The following CHD9 variants were observed in gnomAD, a reference collection of about 807,000 sequenced individuals.
CHD9 encodes chromodomain helicase DNA binding protein 9, also known as ATP-dependent chromatin remodeler CHD9.
A neutral mutation model predicts 316.1 loss-of-function variants in CHD9; 77 were observed. The ratio of observed to expected loss-of-function variants is 0.24; its 90% CI spans 0.20 to 0.29. CHD9 has a LOEUF of 0.29. Ranked by LOEUF, CHD9 falls within the 10% of genes least tolerant of loss-of-function variation. The pLI, the probability that CHD9 is intolerant of heterozygous loss-of-function variation, is 1.00. For synonymous variants in CHD9, 1,129 were observed against 1,158.3 expected (o/e 0.97, Z 0.51); for missense variants, 2,763 against 3,438.1 (o/e 0.80, Z 4.91).
intron 29 of CHD9, 29 bp from the exon 30 acceptor site, chr16:53,296,927 G>GT (rs750560432): frequency 3.3e-6 from 5 of 1,531,462 alleles, no homozygotes; most frequent in African/African-American, 1.4e-5. Context: ...GACTAGTGTG[G>GT]TTTTTTTCTT....
intron 30 of CHD9, 80 bp from the exon 31 acceptor site, chr16:53,303,640 A>G: frequency 9.8e-7 from 1 of 1,018,366 alleles, no homozygotes; most frequent in Non-Finnish European, 1.4e-6. Flanking sequence ...TTATAAATAT[A>G]TAAAGATGTA....
chr16:53,174,776 T>G (rs1388361870), intron 2 of CHD9, among the ~76,000 whole-genome samples: 2 of 151,950 alleles, frequency 1.3e-5, no homozygotes, highest in African/African-American at 4.8e-5. Flanking sequence ...GCCCAGAAAT[T>G]TCATTTTATT....
chr16:53,236,619 C>CCCA (rs1239934141), intron 11 of CHD9, among the ~76,000 whole-genome samples: 6 of 150,510 alleles, frequency 4.0e-5, no homozygotes, highest in Non-Finnish European at 5.9e-5. Context: ...CCCATTCCCC[C>CCCA]CCACCACCAC....
chr16:53,140,109 T>A (rs1470175205), intron 1 of CHD9, among the ~76,000 whole-genome samples: 7 of 151,562 alleles, frequency 4.6e-5, no homozygotes, highest in South Asian at 2.1e-4. Flanking sequence ...AAAAAAAAAA[T>A]TCTGCATTTA....
intron 1 of CHD9, among the ~76,000 whole-genome samples, chr16:53,087,835 C>T (rs2152546314): frequency 6.6e-6 from 1 of 152,010 alleles, no homozygotes; most frequent in East Asian, 1.9e-4. Context: ...ATAATCCCAG[C>T]TACTCGGGAA....
At chr16:53,263,162 A>G in intron 20 of CHD9, 65 bp downstream of exon 20, 1 of 1,208,838 alleles carries the variant, frequency 8.3e-7, no homozygotes, top group South Asian at 1.3e-5. Context: ...GTATTGTAAT[A>G]TTTTAAGGTG....
Position 53,255,757 on chromosome 16 carries a change from G to A in CHD9, c.4187G>A (p.Gly1396Glu). ...AAAACTATTACAATTGAATCAGAAG[G>A]ACGTGGGTCAACATTTGCCAAGGTA... ...RTKTITIESEGRGSTFAKASF... is the reference protein window; with the variant it reads ...RTKTITIESEERGSTFAKASF... Residue 1396 changes from glycine to glutamate, a missense_variant, in exon 19 of 39, where the codon GGA becomes GAA. Gly to Glu is a moderately conservative substitution (Grantham distance 98). This residue lies in a region of CHD9 where 199 missense variants were observed against 251.7 expected (regional missense o/e 0.79). Transcript: ENST00000447540. 6.2e-7 allele frequency: 1 copy of A among 1,613,792 alleles called. No individual in the cohort carries two copies. The highest frequency in any genetic ancestry group is 8.5e-7 in the Non-Finnish European group (1 of 1,179,778).
Position 53,238,459 on chromosome 16 carries a change from T to C in CHD9, c.2750T>C (p.Leu917Pro). 6.2e-7 allele frequency: 1 copy of C among 1,613,492 alleles called. No homozygotes were observed. Among genetic ancestry groups the C allele is most frequent in the Non-Finnish European group, 8.5e-7 (1 of 1,179,562 alleles). ...IRGPFLIIAP[L>P]STIANWEREF... ...GGACCTTTCCTGATTATTGCTCCACTTTCTACTATTGCAAACTGGGAGAGA... is the reference window on the plus strand; with the variant it reads ...GGACCTTTCCTGATTATTGCTCCACCTTCTACTATTGCAAACTGGGAGAGA... The change falls in exon 12 of 39, where the codon CTT becomes CCT. Residue 917 changes from leucine (L) to proline (P), a missense_variant. Leu to Pro is a moderately conservative substitution (Grantham distance 98). Around this residue, in one of 15 missense-constraint regions of CHD9, gnomAD observed 186 missense variants for 245.0 expected, o/e 0.76. Coordinates refer to ENST00000447540, the MANE Select transcript of CHD9 (RefSeq NM_001308319.2).
chr16:53,118,793 CTTTTTT>C (rs565529283), intron 1 of CHD9, among the ~76,000 whole-genome samples: 2 of 127,160 alleles, frequency 1.6e-5, no homozygotes. Context: ...AGATAACTTT[CTTTTTT>C]TTTTTTTTTT....
rs371392783 is a variant in CHD9 at position 53,156,755 on chromosome 16, A to G, written c.666A>G (p.Ser222=). The G allele has an allele frequency of 7.4e-5, 120 of 1,613,720 alleles. No individual in the cohort carries two copies. The highest frequency in any genetic ancestry group is 9.9e-5 in the South Asian group (9 of 91,082). The change falls in exon 2 of 39, where the codon TCA becomes TCG. Residue 222 remains serine, a synonymous_variant. Coordinates refer to ENST00000447540, the MANE Select transcript of CHD9 (RefSeq NM_001308319.2). ...CACAGATGACTAATGCATCTAATTC[A>G]CAACAGTCTATTTCAATGCAGCAAT... ...HPPQMTNASN[S]QQSISMQQFS... is the part of the protein sequence containing the mutation.
At chr16:53,189,333 G>T (rs1370173785) in intron 2 of CHD9, among the ~76,000 whole-genome samples, 1 of 151,848 alleles carries the variant, frequency 6.6e-6, no homozygotes, top group Non-Finnish European at 1.5e-5. Flanking sequence ...TGTTGCAAAG[G>T]TTTCTTTTTA....
At chr16:53,170,924 A>G (rs757398150) in intron 2 of CHD9, among the ~76,000 whole-genome samples, 2 of 152,090 alleles carry the variant, frequency 1.3e-5, no homozygotes, top group Non-Finnish European at 2.9e-5. Context: ...GCAACTCAGG[A>G]AGGAAGTAAG....
intron 1 of CHD9, among the ~76,000 whole-genome samples, chr16:53,096,317 C>G (rs910556842): frequency 6.6e-6 from 1 of 152,052 alleles, no homozygotes; most frequent in East Asian, 1.9e-4. Context: ...TCGCCAATAC[C>G]CAACACAATG....
chr16:53,291,220 T>G (rs1259450261), intron 27 of CHD9, among the ~76,000 whole-genome samples: 3 of 152,190 alleles, frequency 2.0e-5, no homozygotes, highest in African/African-American at 7.2e-5. Context: ...ATAAAATTGC[T>G]AAAGTTATGA....
intron 23 of CHD9, 41 bp from the exon 24 acceptor site, chr16:53,274,172 G>A: frequency 1.6e-6 from 2 of 1,237,032 alleles, no homozygotes; most frequent in Non-Finnish European, 2.4e-6. Context: ...TTTAAACGAT[G>A]AATGTCTTTA....
intron 4 of CHD9, among the ~76,000 whole-genome samples, chr16:53,225,699 A>C (rs933751130): frequency 6.6e-6 from 1 of 152,026 alleles, no homozygotes. Context: ...TTAGTGAAAC[A>C]GTTTCTTCTT....
chr16:53,273,732 G>A lies in CHD9; in HGVS notation c.4824G>A (p.Glu1608=), dbSNP rs1422386279. 6.2e-7 allele frequency: 1 copy of A among 1,613,426 alleles called. No homozygotes were observed. Among genetic ancestry groups the A allele is most frequent in the Non-Finnish European group, 8.5e-7 (1 of 1,179,590 alleles). ...AATGGCTTCGAAAATATAATCCCGA[G>A]CAGCTCCTTCAAGATGAAGGCTACA... The part of the protein sequence containing the change: ...KAEWLRKYNP[E]QLLQDEGYKK... Residue 1608 remains glutamate, a synonymous_variant, in exon 23 of 39, where the codon GAG becomes GAA. Coordinates refer to ENST00000447540, the MANE Select transcript of CHD9 (RefSeq NM_001308319.2).
chr16:53,324,206 C>T lies in CHD9; in HGVS notation c.8005C>T (p.Leu2669Phe). The change falls in exon 39 of 39, where the codon CTC becomes TTC. Residue 2669 changes from leucine (L) to phenylalanine (F), a missense_variant. Leu to Phe is a conservative substitution (Grantham distance 22, BLOSUM62 0). Coordinates refer to ENST00000447540, the MANE Select transcript of CHD9 (RefSeq NM_001308319.2). ...LANGLLPGVDLTTLQALQQNL... is the reference protein window; with the variant it reads ...LANGLLPGVDFTTLQALQQNL... ...CAATGGACTACTTCCAGGTGTGGAT[C>T]TCACAACTCTTCAGGCCTTACAACA... 1 of 1,613,960 alleles carries T rather than the reference C, an allele frequency of 6.2e-7. No individual in the cohort carries two copies. The highest frequency in any genetic ancestry group is 8.5e-7 in the Non-Finnish European group (1 of 1,179,850).
chr16:53,195,181 A>G (rs2044794185), intron 2 of CHD9, among the ~76,000 whole-genome samples: 1 of 152,252 alleles, frequency 6.6e-6, no homozygotes. Flanking sequence ...ATAAGATATT[A>G]GCACAATTCT....
Sources: gnomAD v4.1 joint callset for allele counts (sites outside exome capture counted in the v4.1 genomes callset) on GRCh38, gnomAD v4.1.1 for gene constraint, gnomAD v4.1.1 regional missense constraint, MANE v1.5 for transcripts, NCBI Gene and HGNC (gene_info 2026-07-23, HGNC 2026-07-21) for gene names.